The following PRPF8 variants were observed in gnomAD, a reference collection of about 807,000 sequenced individuals.
PRPF8 encodes pre-mRNA-processing-splicing factor 8.
Under a neutral mutation model 285.9 loss-of-function variants are expected in PRPF8, and 64 were observed. The ratio of observed to expected loss-of-function variants is 0.22; its 90% confidence interval spans 0.18 to 0.28. PRPF8 has a LOEUF of 0.28. Ranked by LOEUF, PRPF8 falls within the 10% of genes least tolerant of loss-of-function variation. The probability of loss-of-function intolerance (pLI) is 1.00; values close to 1 mark genes in which losing one functional copy is unlikely to be tolerated. For missense variants in PRPF8, 1,426 were observed against 3,026.7 expected (o/e 0.47, Z 12.41); for synonymous variants, 1,325 against 1,118.2 (o/e 1.18, Z -3.69).
chr17:1,677,501 C>G, intron 14 of PRPF8, 64 bp downstream of exon 14: 3 of 1,612,392 alleles, frequency 1.9e-6, no homozygotes, highest in Non-Finnish European at 1.7e-6. Context: ...GGAACAGACT[C>G]AAACAGGGGC....
In PRPF8 at chr17:1,676,960, A is replaced by G. The variant is rs758955339; in HGVS notation, c.2181+16T>C. 1 of 1,613,130 alleles carries G rather than the reference A, an allele frequency of 6.2e-7. No homozygotes were observed. Among genetic ancestry groups the G allele is most frequent in the Non-Finnish European group, 8.5e-7 (1 of 1,180,016 alleles). On this transcript the variant is annotated intron_variant, in intron 15 of 42. Transcript: ENST00000304992. This position sits in a 1 kb window ranked among gnomAD's most constrained non-coding sequence, Gnocchi z 6.3. Reference sequence around the variant, plus strand: ...GACGGATGTTTACGCCTCCAAGGAAATAAAGAGACACCCACCTTCCAGGGA... The same window carrying G: ...GACGGATGTTTACGCCTCCAAGGAAGTAAAGAGACACCCACCTTCCAGGGA...
intron 28 of PRPF8, 56 bp from the exon 29 acceptor site, chr17:1,660,883 T>C: frequency 6.2e-7 from 1 of 1,612,828 alleles, no homozygotes; most frequent in South Asian, 1.1e-5. Flanking sequence ...AGCACACTGC[T>C]AACCTCCTGG....
At chr17:1,672,586 G>A (rs1912387254) in intron 24 of PRPF8, among the ~76,000 whole-genome samples, 6 of 152,110 alleles carry the variant, frequency 3.9e-5, no homozygotes, top group Admixed American at 3.9e-4. Context: ...CCCGGCCGAG[G>A]TAACTTTTTA....
In PRPF8 at chr17:1,679,919, G is replaced by T; in HGVS notation, c.1099-120C>A. 1 of 1,190,792 alleles carries T rather than the reference G, an allele frequency of 8.4e-7. No individual in the cohort carries two copies. Among genetic ancestry groups the T allele is most frequent in the Non-Finnish European group, 1.3e-6 (1 of 799,632 alleles). 73.8% of individuals were successfully genotyped at this position (1,190,792 alleles called of 1,614,324 possible). ...ATCTGCTATGGAAACTGGGCTGTCT[G>T]ACAAAAGCAGCCCTGAAGTGCCAGC... On this transcript the variant is annotated intron_variant, in intron 8 of 42. Transcript: ENST00000304992. This position sits in a 1 kb window ranked among gnomAD's most constrained non-coding sequence, Gnocchi z 4.7.
rs370796111 is a variant in PRPF8, at chr17:1,676,471, C to A, written c.2388+34G>T. On this transcript the variant is annotated intron_variant, in intron 16 of 42. Transcript: ENST00000304992. This position sits in a 1 kb window ranked among gnomAD's most constrained non-coding sequence, Gnocchi z 6.3. ...GTCCTCCCTCTTGCCCACTCCCCCA[C>A]CACTCACACCCAGCCCAGCCTACTC... is the stretch of plus-strand genomic sequence containing the variant. The A allele has an allele frequency of 1.0e-3, 1,693 of 1,613,958 alleles. 3 individuals carry two copies. The highest frequency in any genetic ancestry group is 1.4e-3 in the Non-Finnish European group (1,642 of 1,180,006).
chr17:1,663,700 G>C (rs1421733937), intron 24 of PRPF8, among the ~76,000 whole-genome samples: 1 of 93,440 alleles, frequency 1.1e-5, no homozygotes, highest in African/African-American at 4.4e-5. Context: ...CCAAGGAAGA[G>C]ACTCCATCTC....
intron 24 of PRPF8, among the ~76,000 whole-genome samples, chr17:1,663,071 A>G (rs1453363260): frequency 6.6e-6 from 1 of 152,204 alleles, no homozygotes; most frequent in East Asian, 1.9e-4. Context: ...TAAGAGTGGG[A>G]GTGGAACTTA....
Position 1,678,624 on chromosome 17 carries a change from G to C in PRPF8, c.1748C>G (p.Ala583Gly). ...CATGCCCGTCAACTGCCCAACATGGGCAAATATATACTGCAATCCATCTGC... is the reference window on the plus strand; with the variant it reads ...CATGCCCGTCAACTGCCCAACATGGCCAAATATATACTGCAATCCATCTGC... Reference protein sequence around the residue: ...QLADGLQYIFAHVGQLTGMYR... With the variant: ...QLADGLQYIFGHVGQLTGMYR... Residue 583 changes from alanine (A) to glycine (G), a missense_variant, in exon 13 of 43, where the codon GCC (alanine) becomes GGC (glycine). Around this residue, in one of 34 missense-constraint regions of PRPF8, gnomAD observed 69 missense variants for 134.7 expected, o/e 0.51. Coordinates refer to ENST00000304992, the MANE Select transcript of PRPF8 (RefSeq NM_006445.4). 6.2e-7 allele frequency: 1 copy of C among 1,614,212 alleles called. No individual in the cohort carries two copies. Among genetic ancestry groups the C allele is most frequent in the Non-Finnish European group, 8.5e-7 (1 of 1,180,038 alleles).
chr17:1,651,001 C>T lies in PRPF8; in HGVS notation c.6854-45G>A. The T allele has an allele frequency of 4.3e-6, 7 of 1,614,186 alleles. No individual in the cohort carries two copies. The highest frequency in any genetic ancestry group is 5.9e-6 in the Non-Finnish European group (7 of 1,180,020). Reference sequence around the variant, plus strand: ...GCCAATGTTAACAGGGCTCCTGCCTCATGCAGCCTGCGCCACCTCCAAGCC... The same window carrying T: ...GCCAATGTTAACAGGGCTCCTGCCTTATGCAGCCTGCGCCACCTCCAAGCC... On this transcript the variant is annotated intron_variant, in intron 42 of 42. Transcript: ENST00000304992. The surrounding 1 kb of genome is among the most constrained non-coding windows in gnomAD (Gnocchi z 5.1).
Position 1,679,243 on chromosome 17 carries a change from T to A in PRPF8, c.1410-37A>T, listed in dbSNP as rs1597247922. On this transcript the variant is annotated intron_variant, in intron 10 of 42. Coordinates refer to ENST00000304992, the MANE Select transcript of PRPF8 (RefSeq NM_006445.4). This position sits in a 1 kb window ranked among gnomAD's most constrained non-coding sequence, Gnocchi z 4.7. ...ACATGGAGAGTAAGAGTCAGCCTACTGATATCTCTGGAACAGAAGTCTGCG... is the reference window on the plus strand; with the variant it reads ...ACATGGAGAGTAAGAGTCAGCCTACAGATATCTCTGGAACAGAAGTCTGCG... 1 of 1,614,214 alleles carries A rather than the reference T, an allele frequency of 6.2e-7. No individual in the cohort carries two copies. The highest frequency in any genetic ancestry group is 8.5e-7 in the Non-Finnish European group (1 of 1,180,036).
rs1567688700 is a variant in PRPF8, at chr17:1,676,024, CCT to C, written c.2581_2582del (p.Arg861GlyfsTer12). On this transcript the variant is annotated frameshift_variant, in exon 18 of 43. Coordinates refer to ENST00000304992, the MANE Select transcript of PRPF8 (RefSeq NM_006445.4). LOFTEE classifies it high-confidence loss of function. This position sits in a 1 kb window ranked among gnomAD's most constrained non-coding sequence, Gnocchi z 6.3. ...CCTGCTCGATCAGACCTAGCTCCTC[CCT>C]CTGAGACTGGTTCAACCGAGACTTC... ...SVKSRLNQSQREELGLIEQAY... is the reference protein window; with the variant it reads ...SVKSRLNQSQXEELGLIEQAY... 2 of 1,613,476 alleles carry C rather than the reference CCT, an allele frequency of 1.2e-6. No homozygotes were observed. Among genetic ancestry groups the C allele is most frequent in the South Asian group, 2.2e-5 (2 of 91,036 alleles).
chr17:1,677,297 T>A, intron 14 of PRPF8, 125 bp from the exon 15 acceptor site: 1 of 1,084,998 alleles, frequency 9.2e-7, no homozygotes, highest in South Asian at 1.3e-5. Context: ...AGCGTCCCTG[T>A]GCCCAGCATA....
At position 1,681,081 on chromosome 17, in the gene PRPF8, G is replaced by C. The variant is rs558412243; in HGVS notation, c.867-27C>G. The C allele has an allele frequency of 1.6e-4, 262 of 1,607,092 alleles. 7 individuals carry two copies. In the South Asian group the frequency reaches 2.7e-3, roughly 17 times the overall value. ...TAGGGTACAACATCAAGAATAAGCA[G>C]ACTTTTTTTTTTTTGAGACAGGGTC... is the stretch of plus-strand genomic sequence containing the variant. On this transcript the variant is annotated intron_variant, in intron 6 of 42. Transcript: ENST00000304992.
chr17:1,658,072 G>T lies in PRPF8; in HGVS notation c.5505+181C>A, dbSNP rs1911491735. On this transcript the variant is annotated intron_variant, in intron 34 of 42. Transcript: ENST00000304992. The surrounding 1 kb of genome is among the most constrained non-coding windows in gnomAD (Gnocchi z 4.1). ...TTCAGGAAACAGACCAGCTGGAAGG[G>T]AACGAAGCACCTCATACACTCTTGG... Among the ~76,000 whole-genome samples, 1 of 152,008 alleles carries T rather than the reference G, an allele frequency of 6.6e-6. No individual in the cohort carries two copies. Among genetic ancestry groups the T allele is most frequent in the Admixed American group, 6.6e-5 (1 of 15,254 alleles).
In PRPF8 at chr17:1,681,081, G is replaced by A. The variant is rs558412243; in HGVS notation, c.867-27C>T. 3.1e-6 allele frequency: 5 copies of A among 1,607,092 alleles called. No homozygotes were observed. In the South Asian group the frequency reaches 5.5e-5, roughly 18 times the overall value. On this transcript the variant is annotated intron_variant, in intron 6 of 42. Coordinates refer to ENST00000304992, the MANE Select transcript of PRPF8 (RefSeq NM_006445.4). ...TAGGGTACAACATCAAGAATAAGCAGACTTTTTTTTTTTTGAGACAGGGTC... is the reference window on the plus strand; with the variant it reads ...TAGGGTACAACATCAAGAATAAGCAAACTTTTTTTTTTTTGAGACAGGGTC...
chr17:1,676,763 A>G lies in PRPF8; in HGVS notation c.2182-52T>C. 1.3e-6 allele frequency: 2 copies of G among 1,596,006 alleles called. No homozygotes were observed. The highest frequency in any genetic ancestry group is 1.7e-6 in the Non-Finnish European group (2 of 1,167,246). Reference sequence around the variant, plus strand: ...CCAGGATCCAGCCAGGCACTGTGGCACACATCTGTAGTCCCGGCTACTCAG... The same window carrying G: ...CCAGGATCCAGCCAGGCACTGTGGCGCACATCTGTAGTCCCGGCTACTCAG... On this transcript the variant is annotated intron_variant, in intron 15 of 42. Transcript: ENST00000304992. The surrounding 1 kb of genome is among the most constrained non-coding windows in gnomAD (Gnocchi z 6.3).
In PRPF8 at chr17:1,676,194, C is replaced by T; in HGVS notation, c.2552+13G>A. Reference sequence around the variant, plus strand: ...CACCTTCCCAGCAGGAACCTATCTACCCTACTACTCACCTATAAGCTTCCT... The same window carrying T: ...CACCTTCCCAGCAGGAACCTATCTATCCTACTACTCACCTATAAGCTTCCT... On this transcript the variant is annotated intron_variant, in intron 17 of 42. Transcript: ENST00000304992. This position sits in a 1 kb window ranked among gnomAD's most constrained non-coding sequence, Gnocchi z 6.3. The T allele has an allele frequency of 6.2e-7, 1 of 1,613,296 alleles. No homozygotes were observed. The highest frequency in any genetic ancestry group is 8.5e-7 in the Non-Finnish European group (1 of 1,180,012).
In PRPF8 at chr17:1,651,644, T is replaced by C. The variant is rs1911077088; in HGVS notation, c.6510+4A>G. On this transcript the variant is annotated splice_donor_region_variant and intron_variant, in intron 40 of 42. Coordinates refer to ENST00000304992, the MANE Select transcript of PRPF8 (RefSeq NM_006445.4). The surrounding 1 kb of genome is among the most constrained non-coding windows in gnomAD (Gnocchi z 5.1). ...CACTCCCAGGCTCCATCACTCCCCATTACCTTGAGGTACTCATGCTGGGGC... is the reference window on the plus strand; with the variant it reads ...CACTCCCAGGCTCCATCACTCCCCACTACCTTGAGGTACTCATGCTGGGGC... 4 of 1,614,136 alleles carry C rather than the reference T, an allele frequency of 2.5e-6. No homozygotes were observed. Among genetic ancestry groups the C allele is most frequent in the Non-Finnish European group, 3.4e-6 (4 of 1,180,020 alleles).
chr17:1,656,056 G>A (rs11869578), intron 36 of PRPF8, among the ~76,000 whole-genome samples: 26,843 of 151,804 alleles, frequency 0.18, 4,773 homozygotes, highest in African/African-American at 0.46. Flanking sequence ...GAGTAGCTGG[G>A]ACTACAGGTG....
Sources: gnomAD v4.1 joint callset for allele counts (sites outside exome capture counted in the v4.1 genomes callset) on GRCh38, gnomAD v4.1.1 for gene constraint, gnomAD v4.1.1 regional missense constraint, Gnocchi (gnomAD v3.1) non-coding constraint, MANE v1.5 for transcripts, NCBI Gene and HGNC (gene_info 2026-07-23, HGNC 2026-07-21) for gene names.